SLC24A4: variants seen among roughly 807,000 people sequenced by gnomAD.
SLC24A4 encodes the protein sodium/potassium/calcium exchanger 4.
SLC24A4 carries 53 observed loss-of-function variants against 79.0 expected under a neutral mutation model. That is an observed-to-expected ratio of 0.67 (90% CI 0.54 to 0.84). The LOEUF (loss-of-function observed/expected upper bound fraction) is 0.84. SLC24A4 is among the 40% of genes least tolerant of loss of function. SLC24A4 has a pLI of 0.00. For missense variants in SLC24A4, 731 were observed against 822.0 expected, an observed-to-expected ratio of 0.89 and a Z score of 1.35; for synonymous variants, 323 against 323.8, an observed-to-expected ratio of 1.00 and a Z score of 0.03.
intron 4 of SLC24A4, among the ~76,000 whole-genome samples, chr14:92,440,521 C>T (rs1444139210): frequency 6.6e-6 from 1 of 151,980 alleles, no homozygotes; most frequent in African/African-American, 2.4e-5. Flanking sequence ...GACCCACCCG[C>T]TAGGCTGAGA....
Position 92,357,076 on chromosome 14 carries a change from T to A in SLC24A4, c.241+31098T>A, listed in dbSNP as rs188882569. On this transcript the variant is annotated intron_variant, in intron 2 of 16. Transcript: ENST00000532405. ...GAGTATCAGTTGGATTATTACATTA[T>A]TCCCCCCAGGATTGGAACCTTATTT... Among the ~76,000 whole-genome samples the A allele has an allele frequency of 1.9e-3, 287 of 152,346 alleles. 3 individuals are homozygous for A. The highest frequency in any genetic ancestry group is 6.6e-3 in the African/African-American group (273 of 41,580).
chr14:92,330,177 C>A (rs1885389359), intron 2 of SLC24A4, among the ~76,000 whole-genome samples: 1 of 152,098 alleles, frequency 6.6e-6, no homozygotes, highest in South Asian at 2.1e-4. Flanking sequence ...GAATTGGCAT[C>A]CTGAAGAGAT....
In SLC24A4 at chr14:92,481,449, A is replaced by C. The variant is rs187535805; in HGVS notation, c.1256-1231A>C. ...CACTGGGTAAGCTCAGATTCTGGTA[A>C]AATAAAGACAGCCTTGAAAGTGGAG... On this transcript the variant is annotated intron_variant, in intron 12 of 16. Coordinates refer to ENST00000532405, the MANE Select transcript of SLC24A4 (RefSeq NM_153646.4). Among the ~76,000 whole-genome samples, 514 of 152,356 alleles carry C rather than the reference A, an allele frequency of 3.4e-3. 4 individuals carry two copies. The highest frequency in any genetic ancestry group is 0.012 in the African/African-American group (494 of 41,580).
intron 2 of SLC24A4, among the ~76,000 whole-genome samples, chr14:92,412,668 C>G (rs551480648): frequency 6.6e-6 from 1 of 152,142 alleles, no homozygotes; most frequent in Non-Finnish European, 1.5e-5. Flanking sequence ...ATCCTCCATC[C>G]TGCGGGTCAG....
At chr14:92,326,000 A>C in intron 2 of SLC24A4, 22 bp downstream of exon 2, 2 of 1,523,520 alleles carry the variant, frequency 1.3e-6, no homozygotes, top group Non-Finnish European at 1.8e-6. Context: ...ATTCTTCTCC[A>C]CTCAGTCTAC....
chr14:92,444,932 T>TACACACACAC (rs10548937), intron 7 of SLC24A4, among the ~76,000 whole-genome samples: 2 of 142,944 alleles, frequency 1.4e-5, no homozygotes, highest in Non-Finnish European at 3.1e-5. Flanking sequence ...TACACACACA[T>TACACACACAC]ACACACACAC....
chr14:92,356,441 T>C lies in SLC24A4; in HGVS notation c.241+30463T>C, dbSNP rs183933771. The stretch of plus-strand genomic sequence containing the variant: ...TGCCACCATGAGGACTGTGGCAAGG[T>C]GGTACCACTTTGTGGTACGACCTTA... On this transcript the variant is annotated intron_variant, in intron 2 of 16. Transcript: ENST00000532405. 1.2e-3 allele frequency among the ~76,000 whole-genome samples: 178 copies of C among 152,262 alleles called. 1 individual carries two copies. The highest frequency in any genetic ancestry group is 4.1e-3 in the African/African-American group (171 of 41,544).
At chr14:92,493,202 G>A (rs574471674) in intron 16 of SLC24A4, among the ~76,000 whole-genome samples, 29 of 152,270 alleles carry the variant, frequency 1.9e-4, no homozygotes, top group Admixed American at 9.8e-4. Flanking sequence ...AGGAAGTGAC[G>A]TGCCTGCCTG....
intron 15 of SLC24A4, 105 bp downstream of exon 15, chr14:92,491,882 C>A: frequency 1.2e-6 from 1 of 861,422 alleles, no homozygotes; most frequent in Non-Finnish European, 1.9e-6. Context: ...CTCTCCTTGG[C>A]ACTCAGACAC....
At position 92,488,091 on chromosome 14, in the gene SLC24A4, T is replaced by A. The variant is rs1419734353; in HGVS notation, c.1537+1311T>A. On this transcript the variant is annotated intron_variant, in intron 14 of 16. Coordinates refer to ENST00000532405, the MANE Select transcript of SLC24A4 (RefSeq NM_153646.4). Reference sequence around the variant, plus strand: ...TTCTTCCTCTTTTTTTTTTTTTTTGTGATGGAGTCTCACTCTGTCACCCAG... The same window carrying A: ...TTCTTCCTCTTTTTTTTTTTTTTTGAGATGGAGTCTCACTCTGTCACCCAG... 9.2e-4 allele frequency among the ~76,000 whole-genome samples: 134 copies of A among 146,278 alleles called. 1 individual carries two copies. Among genetic ancestry groups the A allele is most frequent in the African/African-American group, 3.2e-3 (126 of 39,784 alleles).
intron 5 of SLC24A4, 71 bp from the exon 6 acceptor site, chr14:92,442,642 G>A: frequency 9.2e-7 from 1 of 1,084,038 alleles, no homozygotes; most frequent in Non-Finnish European, 1.4e-6. Flanking sequence ...TCCTGTGAAA[G>A]GGGGACACTG....
intron 2 of SLC24A4, among the ~76,000 whole-genome samples, chr14:92,402,787 G>A (rs1420442077): frequency 1.3e-5 from 2 of 152,088 alleles, no homozygotes; most frequent in Non-Finnish European, 2.9e-5. Flanking sequence ...TGAGGACAGT[G>A]CAGGAAAGAC....
At chr14:92,435,121 C>T (rs1410200444) in intron 3 of SLC24A4, among the ~76,000 whole-genome samples, 1 of 152,216 alleles carries the variant, frequency 6.6e-6, no homozygotes, top group Non-Finnish European at 1.5e-5. Context: ...GCTATAACCT[C>T]ATTGTAAGTC....
chr14:92,415,158 G>C (rs923930659), intron 2 of SLC24A4, among the ~76,000 whole-genome samples: 1 of 152,176 alleles, frequency 6.6e-6, no homozygotes, highest in African/African-American at 2.4e-5. Context: ...CTGTGGAAGG[G>C]CTGGACTTGT....
chr14:92,487,136 G>A (rs1161345318), intron 14 of SLC24A4, among the ~76,000 whole-genome samples: 1 of 152,212 alleles, frequency 6.6e-6, no homozygotes, highest in Non-Finnish European at 1.5e-5. Flanking sequence ...GAAAGGCAAA[G>A]CACTGGCATC....
At chr14:92,388,551 G>A (rs1023277390) in intron 2 of SLC24A4, among the ~76,000 whole-genome samples, 5 of 152,174 alleles carry the variant, frequency 3.3e-5, no homozygotes, top group Admixed American at 6.5e-5. Flanking sequence ...GGCCTGGTTC[G>A]CCTCTCCCTC....
intron 2 of SLC24A4, among the ~76,000 whole-genome samples, chr14:92,405,256 A>G (rs575677944): frequency 6.6e-5 from 10 of 152,350 alleles, no homozygotes; most frequent in Non-Finnish European, 8.8e-5. Flanking sequence ...CTGGGAGTCT[A>G]TCTCCACCAG....
Position 92,439,748 on chromosome 14 carries a change from G to A in SLC24A4, c.393+339G>A, listed in dbSNP as rs545428589. The stretch of plus-strand genomic sequence containing the variant: ...TGCCAGCTGCAGTGGAGCATTGCCT[G>A]TCACCAGCTGCAAGTGGCAGGTGAC... On this transcript the variant is annotated intron_variant, in intron 4 of 16. Coordinates refer to ENST00000532405, the MANE Select transcript of SLC24A4 (RefSeq NM_153646.4). Among the ~76,000 whole-genome samples the A allele has an allele frequency of 7.2e-5, 11 of 152,360 alleles. No homozygotes were observed. In the South Asian group the frequency reaches 1.5e-3, roughly 20 times the overall value.
intron 2 of SLC24A4, among the ~76,000 whole-genome samples, chr14:92,365,067 T>G (rs1448652616): frequency 3.3e-5 from 5 of 152,238 alleles, no homozygotes; most frequent in Admixed American, 3.3e-4. Context: ...ACCCCTGGCC[T>G]GAAGCGGGCT....
Sources: gnomAD v4.1 joint callset for allele counts (sites outside exome capture counted in the v4.1 genomes callset) on GRCh38, gnomAD v4.1.1 for gene constraint, MANE v1.5 for transcripts, NCBI Gene and HGNC (gene_info 2026-07-23, HGNC 2026-07-21) for gene names.